Variants in MS4A4A observed in about 807,000 individuals in gnomAD.
The protein encoded by MS4A4A is membrane-spanning 4-domains subfamily A member 4A.
MS4A4A carries 26 observed loss-of-function variants against 28.0 expected under a neutral mutation model. The observed-to-expected ratio is 0.93, with a 90% CI of 0.68 to 1.29. MS4A4A has a LOEUF of 1.29. Among genes scored for constraint, MS4A4A ranks in the 50% most tolerant of loss-of-function variants. The probability of loss-of-function intolerance (pLI) is 0.00; values close to 1 mark genes in which losing one functional copy is unlikely to be tolerated. For missense variants in MS4A4A, 290 were observed against 293.1 expected, an observed-to-expected ratio of 0.99 and a Z score of 0.08; for synonymous variants, 86 against 100.8, an observed-to-expected ratio of 0.85 and a Z score of 0.88.
At chr11:60,303,750 A>T (rs1275454443) in intron 5 of MS4A4A, among the ~76,000 whole-genome samples, 1 of 152,100 alleles carries the variant, frequency 6.6e-6, no homozygotes, top group African/African-American at 2.4e-5. Context: ...ACACCTGCAA[A>T]TTTTTTGTTA....
Position 60,297,204 on chromosome 11 carries a change from A to G in MS4A4A, c.209A>G (p.Gln70Arg), listed in dbSNP as rs776008683. Residue 70 changes from glutamine to arginine, a missense_variant, in exon 3 of 7, where the codon CAG becomes CGG. By Grantham distance (43) the Gln-to-Arg change is conservative. Coordinates refer to ENST00000337908, the MANE Select transcript of MS4A4A (RefSeq NM_148975.3). The stretch of plus-strand genomic sequence containing the variant: ...TTTCTTCACCATTTTTAGGTTGTGC[A>G]GATTCTGACTGCCCTGATGAGCCTT... The part of the protein sequence containing the change: ...KGEPKVLGVV[Q>R]ILTALMSLSM... The G allele has an allele frequency of 1.2e-6, 2 of 1,613,240 alleles. No individual in the cohort carries two copies. The highest frequency in any genetic ancestry group is 2.2e-5 in the South Asian group (2 of 91,062).
chr11:60,280,850 G>A (rs530011356), intron 1 of MS4A4A, 134 bp downstream of exon 1: 1 of 1,057,024 alleles, frequency 9.5e-7, no homozygotes, highest in South Asian at 1.6e-5. Context: ...ATTCAGGGTT[G>A]GGGTGGGTTG....
At chr11:60,285,174 G>A (rs1430285939) in intron 1 of MS4A4A, among the ~76,000 whole-genome samples, 1 of 152,120 alleles carries the variant, frequency 6.6e-6, no homozygotes, top group Non-Finnish European at 1.5e-5. Context: ...CTTGGTGGAA[G>A]GCCCAGCAAT....
At chr11:60,287,687 A>T (rs1477018285) in intron 1 of MS4A4A, among the ~76,000 whole-genome samples, 1 of 152,204 alleles carries the variant, frequency 6.6e-6, no homozygotes, top group Non-Finnish European at 1.5e-5. Flanking sequence ...TCAGAAGCAG[A>T]TATGGATGAG....
intron 1 of MS4A4A, among the ~76,000 whole-genome samples, chr11:60,284,252 AT>A (rs1293174899): frequency 6.6e-6 from 1 of 152,270 alleles, no homozygotes; most frequent in African/African-American, 2.4e-5. Flanking sequence ...AATAACACAT[AT>A]AAAACATTTA....
chr11:60,283,636 C>T (rs1318275084), intron 1 of MS4A4A, among the ~76,000 whole-genome samples: 1 of 152,170 alleles, frequency 6.6e-6, no homozygotes, highest in African/African-American at 2.4e-5. Context: ...CCTCTTCTCC[C>T]TTCTGGGACA....
At chr11:60,292,036 C>CCCA (rs3041801) in intron 1 of MS4A4A, among the ~76,000 whole-genome samples, 189 bp from the exon 2 acceptor site, 145,108 of 151,872 alleles carry the variant, frequency 0.96, 69,594 homozygotes, top group Non-Finnish European at 1. Flanking sequence ...TAGTTTCTCT[C>CCCA]CCACCTGCCC....
At chr11:60,280,831 C>A in intron 1 of MS4A4A, 115 bp downstream of exon 1, 3 of 1,248,764 alleles carry the variant, frequency 2.4e-6, no homozygotes, top group Non-Finnish European at 3.4e-6. Flanking sequence ...TCCCATGACC[C>A]AAGCTGGTAT....
At chr11:60,283,563 G>C (rs930365383) in intron 1 of MS4A4A, among the ~76,000 whole-genome samples, 1 of 152,038 alleles carries the variant, frequency 6.6e-6, no homozygotes, top group Admixed American at 6.6e-5. Flanking sequence ...TTTTTGAAAG[G>C]GAAATTTTGA....
intron 5 of MS4A4A, among the ~76,000 whole-genome samples, chr11:60,304,675 A>G (rs547020578): frequency 6.6e-6 from 1 of 152,358 alleles, no homozygotes; most frequent in Admixed American, 6.5e-5. Context: ...TTGAAATACA[A>G]CGAAGCCCAT....
intron 4 of MS4A4A, among the ~76,000 whole-genome samples, chr11:60,301,274 G>A (rs970519695): frequency 6.6e-6 from 1 of 152,110 alleles, no homozygotes; most frequent in Admixed American, 6.5e-5. Flanking sequence ...TTACGCTTGT[G>A]GAGGGAATCT....
intron 1 of MS4A4A, among the ~76,000 whole-genome samples, chr11:60,285,557 G>A (rs1056403162): frequency 2.6e-5 from 4 of 152,124 alleles, no homozygotes; most frequent in Admixed American, 6.6e-5. Flanking sequence ...CTAAGTGTCA[G>A]CCAGTCTGAG....
chr11:60,285,529 G>C (rs1347107734), intron 1 of MS4A4A, among the ~76,000 whole-genome samples: 2 of 151,954 alleles, frequency 1.3e-5, no homozygotes, highest in African/African-American at 4.8e-5. Flanking sequence ...TTTCAACATA[G>C]GTTCTTTTCT....
intron 3 of MS4A4A, among the ~76,000 whole-genome samples, chr11:60,300,547 C>T (rs1308517087): frequency 7.4e-6 from 1 of 135,856 alleles, no homozygotes; most frequent in Non-Finnish European, 1.5e-5. Flanking sequence ...ACCCGGGAGG[C>T]GGAGCTTGCA....
intron 1 of MS4A4A, chr11:60,290,349 C>T (rs1474573983): frequency 6.5e-6 from 1 of 153,380 alleles, no homozygotes; most frequent in South Asian, 2.0e-4. Context: ...CTACACTTCT[C>T]CCCAAATTTA....
chr11:60,305,470 T>C (rs1324110402), intron 5 of MS4A4A, among the ~76,000 whole-genome samples: 2 of 152,194 alleles, frequency 1.3e-5, no homozygotes, highest in East Asian at 3.8e-4. Context: ...TGGTTTGTCA[T>C]CCCATCTTCT....
chr11:60,305,765 C>T (rs60459731), intron 5 of MS4A4A: 5,560 of 201,918 alleles, frequency 0.028, 314 homozygotes, highest in African/African-American at 0.12. Context: ...ATAGTATTTT[C>T]TCAATGATAT....
In MS4A4A at chr11:60,287,335, C is replaced by T. The variant is rs73487287; in HGVS notation, c.42-4890C>T. ...TCCCATGAAGGAAAGTGGAAGTGAG[C>T]GTACAAAGCAGAGAGAGAGATGGGG... On this transcript the variant is annotated intron_variant, in intron 1 of 6. Coordinates refer to ENST00000337908, the MANE Select transcript of MS4A4A (RefSeq NM_148975.3). Among the ~76,000 whole-genome samples the T allele has an allele frequency of 3.7e-3, 557 of 152,216 alleles. 3 individuals carry two copies. The highest frequency in any genetic ancestry group is 0.013 in the African/African-American group (546 of 41,520).
intron 3 of MS4A4A, among the ~76,000 whole-genome samples, chr11:60,298,039 A>T (rs1590758105): frequency 6.6e-6 from 1 of 150,386 alleles, no homozygotes; most frequent in African/African-American, 2.4e-5. Context: ...TAATTATTAT[A>T]ATTAATATTA....
Sources: allele counts gnomAD v4.1 joint callset (sites outside exome capture counted in the v4.1 genomes callset), GRCh38; gene constraint gnomAD v4.1.1; transcripts MANE v1.5; gene names NCBI Gene and HGNC (gene_info 2026-07-23, HGNC 2026-07-21).